The following CDKN2B-AS1 variants were observed in gnomAD, a reference collection of about 807,000 sequenced individuals.
CDKN2B-AS1 encodes the protein CDKN2B and CDKN2A antisense cis and trans regulatory RNA 1, also known as CDKN2B antisense RNA 1 (non-protein coding).
Position 22,007,600 on chromosome 9 carries a change from T to G in CDKN2B-AS1, n.29+12439T>G, listed in dbSNP as rs1821256325. ...GTTTATGCACTTTAAAATATACCAT[T>G]TAATTGAAAGGCAGTATACTTCTCA... On this transcript the variant is annotated intron_variant and non_coding_transcript_variant, in intron 1 of 4. Coordinates refer to ENST00000650946, the Ensembl canonical transcript of CDKN2B-AS1. Among the ~76,000 whole-genome samples, 6 of 152,148 alleles carry G rather than the reference T, an allele frequency of 3.9e-5. No homozygotes were observed. In the South Asian group the frequency reaches 1.2e-3, roughly 32 times the overall value.
At chr9:22,024,683 C>T (rs931648926) in intron 1 of CDKN2B-AS1, among the ~76,000 whole-genome samples, 4 of 152,180 alleles carry the variant, frequency 2.6e-5, no homozygotes, top group African/African-American at 9.7e-5. Context: ...GGGCATACTT[C>T]CCTCCTGTAT....
intron 1 of CDKN2B-AS1, among the ~76,000 whole-genome samples, chr9:22,027,194 T>A (rs903103101): frequency 1.3e-5 from 2 of 150,882 alleles, no homozygotes; most frequent in African/African-American, 2.4e-5. Flanking sequence ...AAAAAAAAAA[T>A]TAATAACATG....
At chr9:22,027,443 G>C (rs866498451) in intron 1 of CDKN2B-AS1, among the ~76,000 whole-genome samples, 6 of 152,228 alleles carry the variant, frequency 3.9e-5, no homozygotes, top group Middle Eastern at 3.4e-3. Context: ...AGGAGAAGGC[G>C]TTTATCACAT....
intron 4 of CDKN2B-AS1, among the ~76,000 whole-genome samples, chr9:22,085,310 C>G (rs1587509672): frequency 6.6e-6 from 1 of 152,186 alleles, no homozygotes; most frequent in South Asian, 2.1e-4. Context: ...TCAAGGTATG[C>G]TTATCCCAAC....
intron 3 of CDKN2B-AS1, among the ~76,000 whole-genome samples, chr9:22,055,647 G>A (rs1563950759): frequency 1.3e-5 from 2 of 152,014 alleles, no homozygotes; most frequent in African/African-American, 4.8e-5. Flanking sequence ...TTTTATAGAG[G>A]GCCAGGAATA....
chr9:22,094,141 T>C (rs1281193513), intron 4 of CDKN2B-AS1, among the ~76,000 whole-genome samples: 1 of 144,530 alleles, frequency 6.9e-6, no homozygotes, highest in Non-Finnish European at 1.5e-5. Context: ...TGTTGAATAT[T>C]GGCCCCCACT....
chr9:22,062,970 A>C (rs1275786603), intron 4 of CDKN2B-AS1, among the ~76,000 whole-genome samples: 1 of 53,110 alleles, frequency 1.9e-5, no homozygotes, highest in Non-Finnish European at 2.9e-5. Flanking sequence ...GTGTGTGTGA[A>C]AGACAGACAC....
At chr9:22,014,334 T>A (rs1326058806) in intron 1 of CDKN2B-AS1, among the ~76,000 whole-genome samples, 1 of 152,012 alleles carries the variant, frequency 6.6e-6, no homozygotes, top group Non-Finnish European at 1.5e-5. Context: ...ATTTTTAAAT[T>A]TTTTGTAGAG....
At chr9:22,070,248 G>A (rs1008544070) in intron 4 of CDKN2B-AS1, among the ~76,000 whole-genome samples, 30 of 152,274 alleles carry the variant, frequency 2.0e-4, no homozygotes, top group African/African-American at 7.2e-4. Flanking sequence ...GAGTTAATTG[G>A]TTAATTGATT....
At position 22,115,285 on chromosome 9, in the gene CDKN2B-AS1, A is replaced by T. The variant is rs1313804805; in HGVS notation, n.439-11818A>T. On this transcript the variant is annotated intron_variant and non_coding_transcript_variant, in intron 4 of 4. Transcript: ENST00000650946. ...CTACTTATACTTTCAAGGAGGGAAG[A>T]CTGGGGAAGGTGTCCCTTAGTGAGC... Among the ~76,000 whole-genome samples the T allele has an allele frequency of 3.3e-5, 5 of 152,296 alleles. No homozygotes were observed. The East Asian group carries it at 9.6e-4, about 29-fold the overall frequency.
chr9:22,109,311 C>T (rs1825741639), intron 4 of CDKN2B-AS1, among the ~76,000 whole-genome samples: 1 of 152,148 alleles, frequency 6.6e-6, no homozygotes, highest in African/African-American at 2.4e-5. Flanking sequence ...TTTAATTGTC[C>T]TTGCCACATA....
intron 4 of CDKN2B-AS1, among the ~76,000 whole-genome samples, chr9:22,069,416 TA>T (rs1317688914): frequency 6.6e-6 from 1 of 152,198 alleles, no homozygotes; most frequent in East Asian, 1.9e-4. Flanking sequence ...CCAACTCTAT[TA>T]AAAGTATTTC....
chr9:22,010,126 T>A (rs914381122), intron 1 of CDKN2B-AS1, among the ~76,000 whole-genome samples: 1 of 152,186 alleles, frequency 6.6e-6, no homozygotes, highest in Non-Finnish European at 1.5e-5. Flanking sequence ...ATAAAGGAAA[T>A]TTATGCAGTA....
chr9:22,034,622 G>A (rs957241828), intron 1 of CDKN2B-AS1, among the ~76,000 whole-genome samples: 34 of 152,130 alleles, frequency 2.2e-4, no homozygotes, highest in African/African-American at 8.2e-4. Context: ...TTCTTTGAAA[G>A]TGTTTATCAT....
chr9:22,083,620 C>T (rs1436509531), intron 4 of CDKN2B-AS1, among the ~76,000 whole-genome samples: 1 of 152,176 alleles, frequency 6.6e-6, no homozygotes, highest in East Asian at 1.9e-4. Flanking sequence ...GATGCTGAAG[C>T]TCTGCCAGGT....
At chr9:22,026,052 ACT>A (rs1822223677) in intron 1 of CDKN2B-AS1, among the ~76,000 whole-genome samples, 2 of 150,902 alleles carry the variant, frequency 1.3e-5, no homozygotes, top group African/African-American at 2.4e-5. Context: ...CAGATGGGAG[ACT>A]CTACCCAGTG....
At chr9:22,007,584 C>T (rs1436221495) in intron 1 of CDKN2B-AS1, among the ~76,000 whole-genome samples, 2 of 152,056 alleles carry the variant, frequency 1.3e-5, no homozygotes, top group African/African-American at 4.8e-5. Flanking sequence ...GGTTTATGCA[C>T]TTTAAAATAT....
intron 4 of CDKN2B-AS1, among the ~76,000 whole-genome samples, chr9:22,102,192 G>T (rs1825509987): frequency 6.6e-6 from 1 of 152,142 alleles, no homozygotes; most frequent in South Asian, 2.1e-4. Flanking sequence ...TTGCACATTT[G>T]CTCTTGTTTT....
chr9:22,005,599 C>T lies in CDKN2B-AS1; in HGVS notation n.29+10438C>T, dbSNP rs1243482385. 2.3e-6 allele frequency: 1 copy of T among 432,070 alleles called. No homozygotes were observed. Among genetic ancestry groups the T allele is most frequent in the Non-Finnish European group, 4.3e-6 (1 of 232,014 alleles). The allele number at this position is 432,070 out of a possible 1,614,324, so 26.8% of individuals were successfully genotyped here. On this transcript the variant is annotated intron_variant and non_coding_transcript_variant, in intron 1 of 4. Transcript: ENST00000650946. This position sits in a 1 kb window ranked among gnomAD's most constrained non-coding sequence, Gnocchi z 4.9. The stretch of plus-strand genomic sequence containing the variant: ...GCCGTCACCCAAGTGCTAATCACTG[C>T]CTTCTCCCACTCAGCGCTGGAGTGG...
Sources: allele counts gnomAD v4.1 joint callset (sites outside exome capture counted in the v4.1 genomes callset), GRCh38; gene constraint gnomAD v4.1.1; non-coding constraint Gnocchi (gnomAD v3.1); transcripts MANE v1.5; gene names NCBI Gene and HGNC (gene_info 2026-07-23, HGNC 2026-07-21).